GRIK2: variants seen among roughly 807,000 people sequenced by gnomAD.
The protein encoded by GRIK2 is glutamate ionotropic receptor kainate type subunit 2, also known as glutamate receptor ionotropic, kainate 2.
GRIK2 carries 32 observed loss-of-function variants against 100.3 expected under a neutral mutation model. That is an observed-to-expected ratio of 0.32 (90% CI 0.24 to 0.43). The LOEUF is 0.43. GRIK2 is among the 20% of genes least tolerant of loss of function. The pLI is 1.00. For synonymous variants in GRIK2, 417 were observed against 389.4 expected, an observed-to-expected ratio of 1.07 and a Z score of -0.83; for missense variants, 843 against 1,114.9, an observed-to-expected ratio of 0.76 and a Z score of 3.47.
intron 14 of GRIK2, among the ~76,000 whole-genome samples, chr6:102,022,920 G>T (rs1475464578): frequency 6.6e-6 from 1 of 151,466 alleles, no homozygotes; most frequent in Non-Finnish European, 1.5e-5. Context: ...AGTTAATAAA[G>T]TAAGAGTTGA....
At chr6:102,046,744 G>A (rs1770909804) in intron 15 of GRIK2, among the ~76,000 whole-genome samples, 1 of 152,088 alleles carries the variant, frequency 6.6e-6, no homozygotes, top group African/African-American at 2.4e-5. Flanking sequence ...TTCCATTCAA[G>A]AACAGTAGAA....
Position 101,789,366 on chromosome 6 carries a change from T to G in GRIK2, c.952-10282T>G, listed in dbSNP as rs376374213. 4.5e-4 allele frequency among the ~76,000 whole-genome samples: 69 copies of G among 152,338 alleles called. 2 individuals carry two copies. The South Asian group carries it at 0.014, about 30-fold the overall frequency. On this transcript the variant is annotated intron_variant, in intron 7 of 16. Transcript: ENST00000369134. ...CTAACATTTAAGTCTTTAATCCATC[T>G]TGAATTAATTTTTGTATAAGGTGTA...
chr6:101,580,600 C>G (rs1778029940), intron 2 of GRIK2, among the ~76,000 whole-genome samples: 1 of 152,114 alleles, frequency 6.6e-6, no homozygotes, highest in Non-Finnish European at 1.5e-5. Context: ...GTGAATGGCA[C>G]TATAGCATTC....
chr6:101,664,595 C>G (rs1769872848), intron 4 of GRIK2, among the ~76,000 whole-genome samples: 1 of 152,178 alleles, frequency 6.6e-6, no homozygotes. Context: ...GCACTGCTTA[C>G]TTTTTGATAA....
chr6:101,620,731 G>A (rs572588028), intron 2 of GRIK2, among the ~76,000 whole-genome samples: 12 of 152,240 alleles, frequency 7.9e-5, no homozygotes, highest in South Asian at 4.1e-4. Flanking sequence ...AATGTTCTGC[G>A]TTTTTAAAGT....
At chr6:101,399,565 A>AT (rs914388607) in intron 2 of GRIK2, among the ~76,000 whole-genome samples, 173 bp downstream of exon 2, 8 of 151,582 alleles carry the variant, frequency 5.3e-5, no homozygotes, top group African/African-American at 1.9e-4. Flanking sequence ...TCTCTTCTTT[A>AT]TTTTTATTTT....
intron 2 of GRIK2, among the ~76,000 whole-genome samples, chr6:101,469,112 T>C (rs902855107): frequency 3.3e-5 from 5 of 152,192 alleles, no homozygotes; most frequent in Admixed American, 3.3e-4. Flanking sequence ...TATTCTTTAA[T>C]ATCCACCAAC....
chr6:101,733,062 T>C (rs75060490), intron 7 of GRIK2, among the ~76,000 whole-genome samples: 2,834 of 152,164 alleles, frequency 0.019, 82 homozygotes, highest in African/African-American at 0.064. Context: ...CATATGAATT[T>C]TGAGAAGACT....
intron 7 of GRIK2, among the ~76,000 whole-genome samples, chr6:101,710,994 A>G (rs1003418314): frequency 6.6e-6 from 1 of 151,746 alleles, no homozygotes; most frequent in Admixed American, 6.6e-5. Context: ...TATTCAGTGG[A>G]TGAAACCTTG....
At chr6:101,646,610 G>T (rs1781537793) in intron 4 of GRIK2, among the ~76,000 whole-genome samples, 1 of 151,764 alleles carries the variant, frequency 6.6e-6, no homozygotes, top group Non-Finnish European at 1.5e-5. Flanking sequence ...ATATTAAATT[G>T]CTTTATATTA....
At chr6:101,675,808 A>G (rs1190550300) in intron 4 of GRIK2, among the ~76,000 whole-genome samples, 1 of 152,220 alleles carries the variant, frequency 6.6e-6, no homozygotes, top group Non-Finnish European at 1.5e-5. Context: ...GTTGTTAACT[A>G]GAAAACAATA....
intron 9 of GRIK2, among the ~76,000 whole-genome samples, chr6:101,815,032 G>C (rs1358521736): frequency 3.3e-5 from 5 of 152,116 alleles, no homozygotes; most frequent in African/African-American, 9.7e-5. Flanking sequence ...ACAGATGGGA[G>C]AATTGTGACA....
At chr6:101,413,034 A>G (rs192240310) in intron 2 of GRIK2, among the ~76,000 whole-genome samples, 3 of 152,156 alleles carry the variant, frequency 2.0e-5, no homozygotes, top group South Asian at 2.1e-4. Flanking sequence ...TAGCCAGACT[A>G]TATCAGCATT....
At chr6:101,771,760 C>T (rs1272022899) in intron 7 of GRIK2, among the ~76,000 whole-genome samples, 2 of 146,332 alleles carry the variant, frequency 1.4e-5, no homozygotes, top group Non-Finnish European at 3.0e-5. Flanking sequence ...TCAATTCCCA[C>T]CTATGATTGA....
chr6:101,830,142 TC>T (rs2128427577), intron 10 of GRIK2, among the ~76,000 whole-genome samples: 1 of 152,146 alleles, frequency 6.6e-6, no homozygotes, highest in Admixed American at 6.6e-5. Context: ...AACCAACTGA[TC>T]TTTGACAAAA....
intron 14 of GRIK2, among the ~76,000 whole-genome samples, chr6:102,022,143 TACACAC>T (rs3995831): frequency 1.5e-5 from 2 of 133,156 alleles, no homozygotes; most frequent in African/African-American, 2.6e-5. Flanking sequence ...AACACACACA[TACACAC>T]ACACACACAC....
intron 7 of GRIK2, among the ~76,000 whole-genome samples, chr6:101,737,910 T>C (rs971993050): frequency 6.6e-6 from 1 of 152,138 alleles, no homozygotes; most frequent in African/African-American, 2.4e-5. Flanking sequence ...TCAGGAAACA[T>C]TTTCAATGTC....
chr6:101,561,869 A>T (rs1777036355), intron 2 of GRIK2, among the ~76,000 whole-genome samples: 1 of 152,206 alleles, frequency 6.6e-6, no homozygotes, highest in Admixed American at 6.5e-5. Flanking sequence ...TGCCTGGGGC[A>T]CCGAGTGAAG....
At chr6:101,948,499 T>TA (rs1385139494) in intron 14 of GRIK2, among the ~76,000 whole-genome samples, 1 of 148,090 alleles carries the variant, frequency 6.8e-6, no homozygotes, top group Non-Finnish European at 1.5e-5. Context: ...TTATACATAA[T>TA]ATAGTTATAT....
Sources: gnomAD v4.1 joint callset for allele counts (sites outside exome capture counted in the v4.1 genomes callset) on GRCh38, gnomAD v4.1.1 for gene constraint, MANE v1.5 for transcripts, NCBI Gene and HGNC (gene_info 2026-07-23, HGNC 2026-07-21) for gene names.